The following KCTD16 variants were observed in gnomAD, a reference collection of about 807,000 sequenced individuals.
The protein encoded by KCTD16 is potassium channel tetramerization domain containing 16, also known as BTB/POZ domain-containing protein KCTD16.
Under a neutral mutation model 33.2 loss-of-function variants are expected in KCTD16, and 13 were observed. The observed-to-expected ratio is 0.39, with a 90% CI of 0.25 to 0.62. The LOEUF (loss-of-function observed/expected upper bound fraction) is 0.62, where lower values mean the gene tolerates loss of function less well. Ranked by LOEUF, KCTD16 falls within the 20% of genes least tolerant of loss-of-function variation. The probability of loss-of-function intolerance (pLI) is 0.50; values close to 1 mark genes in which losing one functional copy is unlikely to be tolerated. For synonymous variants in KCTD16, 197 were observed against 195.3 expected (o/e 1.01, Z -0.07); for missense variants, 441 against 525.1 (o/e 0.84, Z 1.57).
chr5:144,183,052 A>T (rs74373647), intron 2 of KCTD16, among the ~76,000 whole-genome samples: 2,185 of 152,136 alleles, frequency 0.014, 28 homozygotes, highest in Middle Eastern at 0.027. Context: ...ACATAAAAAA[A>T]AAAAATAAAA....
In KCTD16 at chr5:144,482,181, A is replaced by C. The variant is rs1561625569; in HGVS notation, c.*8067A>C. The C allele has an allele frequency of 6.6e-6, 1 of 151,948 alleles. No homozygotes were observed. The highest frequency in any genetic ancestry group is 1.5e-5 in the Non-Finnish European group (1 of 67,944). 9.4% of individuals were successfully genotyped at this position (151,948 alleles called of 1,614,324 possible). A position where few individuals can be genotyped will look rare whatever the true frequency, so the allele number is the denominator to read the frequency against. ...CCTCTCTCCTATGCTAAACAAGGTG[A>C]GATCCCAGCCTGACATCCTTCCTAA... On this transcript the variant is annotated 3_prime_UTR_variant, in exon 4 of 4. Transcript: ENST00000512467.
intron 3 of KCTD16, among the ~76,000 whole-genome samples, chr5:144,315,523 C>A (rs72800586): frequency 0.04 from 6,052 of 152,052 alleles, 182 homozygotes; most frequent in Middle Eastern, 0.089. Context: ...AATCTCATCC[C>A]AAATATAATG....
intron 3 of KCTD16, among the ~76,000 whole-genome samples, chr5:144,292,865 T>G (rs1013918892): frequency 6.6e-6 from 1 of 152,126 alleles, no homozygotes; most frequent in African/African-American, 2.4e-5. Context: ...AGCGCTAGGA[T>G]TCCGGGTTGC....
At chr5:144,245,600 A>T (rs919391697) in intron 3 of KCTD16, among the ~76,000 whole-genome samples, 1 of 152,140 alleles carries the variant, frequency 6.6e-6, no homozygotes, top group Admixed American at 6.5e-5. Context: ...CTCATGTTCA[A>T]CTGTAATCCC....
At chr5:144,271,534 G>A (rs1055786425) in intron 3 of KCTD16, among the ~76,000 whole-genome samples, 7 of 152,012 alleles carry the variant, frequency 4.6e-5, no homozygotes, top group African/African-American at 1.7e-4. Flanking sequence ...AAAACCCACA[G>A]TGAATATTAC....
chr5:144,452,146 T>TA (rs1554095712), intron 3 of KCTD16, among the ~76,000 whole-genome samples: 1 of 138,196 alleles, frequency 7.2e-6, no homozygotes, highest in Non-Finnish European at 1.5e-5. Context: ...ATATATAATA[T>TA]TATATATATA....
At chr5:144,212,742 G>A (rs369225208) in intron 3 of KCTD16, among the ~76,000 whole-genome samples, 1 of 152,148 alleles carries the variant, frequency 6.6e-6, no homozygotes, top group African/African-American at 2.4e-5. Flanking sequence ...TTGCCTCTGC[G>A]ATGGCTTTTC....
chr5:144,381,859 G>T (rs1475645746), intron 3 of KCTD16, among the ~76,000 whole-genome samples: 1 of 152,086 alleles, frequency 6.6e-6, no homozygotes, highest in Non-Finnish European at 1.5e-5. Flanking sequence ...ATTTGACCCA[G>T]CAATTCCATT....
At chr5:144,359,292 C>G (rs967456432) in intron 3 of KCTD16, among the ~76,000 whole-genome samples, 1 of 152,120 alleles carries the variant, frequency 6.6e-6, no homozygotes, top group African/African-American at 2.4e-5. Context: ...AGAATCATTT[C>G]CACTCAACAC....
At chr5:144,349,338 G>C (rs1752887901) in intron 3 of KCTD16, among the ~76,000 whole-genome samples, 1 of 152,076 alleles carries the variant, frequency 6.6e-6, no homozygotes, top group East Asian at 1.9e-4. Flanking sequence ...TCACCTTTCT[G>C]TGCCCCAGTA....
chr5:144,243,832 C>T (rs920342303), intron 3 of KCTD16, among the ~76,000 whole-genome samples: 1 of 152,140 alleles, frequency 6.6e-6, no homozygotes, highest in Non-Finnish European at 1.5e-5. Flanking sequence ...CAACCTCCGC[C>T]TCCTGGGTTC....
intron 3 of KCTD16, among the ~76,000 whole-genome samples, chr5:144,473,111 G>A (rs2127002096): frequency 6.6e-6 from 1 of 152,278 alleles, no homozygotes; most frequent in Non-Finnish European, 1.5e-5. Context: ...CAGGCACAGA[G>A]TCAGTCCCCT....
At chr5:144,192,919 G>T (rs1752872009) in intron 2 of KCTD16, among the ~76,000 whole-genome samples, 2 of 152,154 alleles carry the variant, frequency 1.3e-5, no homozygotes, top group Non-Finnish European at 2.9e-5. Context: ...AGATATCTGG[G>T]CAAATAATGG....
chr5:144,225,734 A>G (rs1182715252), intron 3 of KCTD16, among the ~76,000 whole-genome samples: 1 of 152,216 alleles, frequency 6.6e-6, no homozygotes, highest in Non-Finnish European at 1.5e-5. Flanking sequence ...ACATTTAAGC[A>G]TGAAACCTAT....
intron 3 of KCTD16, among the ~76,000 whole-genome samples, chr5:144,293,091 GT>G (rs1212522623): frequency 6.6e-6 from 1 of 152,150 alleles, no homozygotes; most frequent in African/African-American, 2.4e-5. Flanking sequence ...GCTTCCCTCA[GT>G]TCTCACAGCA....
At chr5:144,449,528 C>A (rs556738198) in intron 3 of KCTD16, among the ~76,000 whole-genome samples, 2 of 151,954 alleles carry the variant, frequency 1.3e-5, no homozygotes, top group Non-Finnish European at 2.9e-5. Flanking sequence ...CACATACCCA[C>A]TGAATCTAAA....
At chr5:144,175,006 A>C (rs1015508577) in intron 2 of KCTD16, among the ~76,000 whole-genome samples, 1 of 152,174 alleles carries the variant, frequency 6.6e-6, no homozygotes, top group Admixed American at 6.5e-5. Context: ...AGTAGGGGAG[A>C]TAATATGAAA....
At chr5:144,413,539 T>C (rs2126955578) in intron 3 of KCTD16, among the ~76,000 whole-genome samples, 1 of 152,354 alleles carries the variant, frequency 6.6e-6, no homozygotes, top group South Asian at 2.1e-4. Context: ...TTTTCAGGAA[T>C]GTATCATCAG....
At chr5:144,322,164 C>T (rs920680233) in intron 3 of KCTD16, among the ~76,000 whole-genome samples, 1 of 151,950 alleles carries the variant, frequency 6.6e-6, no homozygotes, top group Non-Finnish European at 1.5e-5. Flanking sequence ...AATCATAGTT[C>T]CTCACCTGCT....
Sources: allele counts gnomAD v4.1 joint callset (sites outside exome capture counted in the v4.1 genomes callset), GRCh38; gene constraint gnomAD v4.1.1; transcripts MANE v1.5; gene names NCBI Gene and HGNC (gene_info 2026-07-23, HGNC 2026-07-21).